GALNT8: variants seen among roughly 807,000 people sequenced by gnomAD.
The protein encoded by GALNT8 is probable polypeptide N-acetylgalactosaminyltransferase 8.
Under a neutral mutation model 62.7 loss-of-function variants are expected in GALNT8, and 66 were observed. The observed-to-expected ratio is 1.05, with a 90% CI of 0.86 to 1.29. The LOEUF (loss-of-function observed/expected upper bound fraction) is 1.29. GALNT8 is among the 50% of genes most tolerant of loss of function. GALNT8 has a pLI of 0.00. For synonymous variants in GALNT8, 288 were observed against 294.3 expected, an observed-to-expected ratio of 0.98 and a Z score of 0.22; for missense variants, 771 against 791.8, an observed-to-expected ratio of 0.97 and a Z score of 0.32.
At chr12:4,755,677 C>T (rs1946341388) in intron 6 of GALNT8, among the ~76,000 whole-genome samples, 1 of 152,160 alleles carries the variant, frequency 6.6e-6, no homozygotes, top group Non-Finnish European at 1.5e-5. Context: ...TCTTGCTCCA[C>T]CACTTCTCCC....
chr12:4,741,916 A>G (rs1946274106), intron 3 of GALNT8, among the ~76,000 whole-genome samples: 1 of 152,206 alleles, frequency 6.6e-6, no homozygotes, highest in Non-Finnish European at 1.5e-5. Flanking sequence ...CGAAAACACC[A>G]GCCAAATTGA....
At chr12:4,743,661 C>A (rs185917941) in intron 3 of GALNT8, among the ~76,000 whole-genome samples, 1 of 152,274 alleles carries the variant, frequency 6.6e-6, no homozygotes, top group East Asian at 1.9e-4. Flanking sequence ...GTGCCACTTA[C>A]TAGATATGTG....
intron 3 of GALNT8, among the ~76,000 whole-genome samples, chr12:4,742,696 G>C (rs778376411): frequency 1.3e-5 from 2 of 152,140 alleles, no homozygotes; most frequent in Non-Finnish European, 2.9e-5. Context: ...ATTTGAGACA[G>C]CAGAGAAAAT....
chr12:4,740,305 T>G (rs1281565618), intron 3 of GALNT8, among the ~76,000 whole-genome samples: 1 of 152,196 alleles, frequency 6.6e-6, no homozygotes, highest in Non-Finnish European at 1.5e-5. Context: ...TATTCTGATT[T>G]TCTTGTACAC....
In GALNT8 at chr12:4,726,206, T is replaced by G. The variant is rs908809772; in HGVS notation, c.212-326T>G. The stretch of plus-strand genomic sequence containing the variant: ...AACTGATTGATTCTGATGTAAGTGG[T>G]TCTCAGGCCTCATTCTGAAAAACAT... On this transcript the variant is annotated intron_variant, in intron 1 of 10. Transcript: ENST00000252318. This position sits in a 1 kb window ranked among gnomAD's most constrained non-coding sequence, Gnocchi z 4.1. Among the ~76,000 whole-genome samples the G allele has an allele frequency of 1.6e-4, 25 of 152,286 alleles. No homozygotes were observed. The highest frequency in any genetic ancestry group is 6.0e-4 in the African/African-American group (25 of 41,554).
chr12:4,755,886 A>G (rs1269252751), intron 6 of GALNT8, among the ~76,000 whole-genome samples: 1 of 152,188 alleles, frequency 6.6e-6, no homozygotes, highest in East Asian at 1.9e-4. Flanking sequence ...GCTGGCTTGG[A>G]TGGAGTGGCC....
intron 2 of GALNT8, among the ~76,000 whole-genome samples, chr12:4,730,054 C>G (rs1946214772): frequency 6.6e-6 from 1 of 151,930 alleles, no homozygotes; most frequent in African/African-American, 2.4e-5. Flanking sequence ...AGGTCATTTG[C>G]TGATTTTTAT....
At chr12:4,750,081 T>G (rs1946316059) in intron 6 of GALNT8, among the ~76,000 whole-genome samples, 1 of 152,196 alleles carries the variant, frequency 6.6e-6, no homozygotes, top group Non-Finnish European at 1.5e-5. Flanking sequence ...TTGTCAATTT[T>G]GTTTAACTTT....
chr12:4,720,843 G>C lies in GALNT8; in HGVS notation c.166G>C (p.Val56Leu), dbSNP rs1399043941. ...ACATCTGAATAAACGCTACGGGGCA[G>C]TGATAAAGAGACTCTCCCACTTGGA... ...PLHLNKRYGA[V>L]IKRLSHLEVE... The change falls in exon 1 of 11, where the codon GTG becomes CTG. Residue 56 changes from valine to leucine, a missense_variant. Val to Leu is a conservative substitution (Grantham distance 32). Coordinates refer to ENST00000252318, the MANE Select transcript of GALNT8 (RefSeq NM_017417.2). 1 of 1,610,106 alleles carries C rather than the reference G, an allele frequency of 6.2e-7. No homozygotes were observed. The highest frequency in any genetic ancestry group is 8.5e-7 in the Non-Finnish European group (1 of 1,176,456).
intron 2 of GALNT8, among the ~76,000 whole-genome samples, chr12:4,731,374 T>G (rs1946221440): frequency 6.6e-6 from 1 of 152,234 alleles, no homozygotes; most frequent in South Asian, 2.1e-4. Flanking sequence ...TTTATTAGTT[T>G]TAACCATTTG....
At chr12:4,759,464 G>A (rs565791005) in intron 6 of GALNT8, among the ~76,000 whole-genome samples, 10 of 123,888 alleles carry the variant, frequency 8.1e-5, no homozygotes, top group African/African-American at 2.8e-4. Flanking sequence ...GGCAGCTAGA[G>A]GCAAAACACT....
At chr12:4,725,882 C>T (rs771354673) in intron 1 of GALNT8, among the ~76,000 whole-genome samples, 2 of 152,062 alleles carry the variant, frequency 1.3e-5, no homozygotes, top group Non-Finnish European at 2.9e-5. Flanking sequence ...TACGATCACG[C>T]AAGTTGGAAA....
At chr12:4,723,505 C>A (rs373874692) in intron 1 of GALNT8, among the ~76,000 whole-genome samples, 1 of 152,172 alleles carries the variant, frequency 6.6e-6, no homozygotes, top group African/African-American at 2.4e-5. Flanking sequence ...CTCCTCAAGC[C>A]GTAAAATGGC....
Position 4,772,514 on chromosome 12 carries a change from G to T in GALNT8, c.1831G>T (p.Val611Leu). The stretch of plus-strand genomic sequence containing the variant: ...GAAGAAGGATCTTTTGGGTAGCCAC[G>T]TGCTTGTGCTCCAGACCTGTAGCAC... ...EMKKDLLGSH[V>L]LVLQTCSTQV... The change falls in exon 11 of 11, where the codon GTG becomes TTG. Residue 611 changes from valine (V) to leucine (L), a missense_variant. Physicochemically the swap from Val to Leu is conservative, Grantham distance 32. Coordinates refer to ENST00000252318, the MANE Select transcript of GALNT8 (RefSeq NM_017417.2). The T allele has an allele frequency of 6.2e-7, 1 of 1,613,784 alleles. No individual in the cohort carries two copies.
chr12:4,723,750 CT>C (rs539656719), intron 1 of GALNT8, among the ~76,000 whole-genome samples: 1,863 of 124,890 alleles, frequency 0.015, 23 homozygotes, highest in African/African-American at 0.035. Flanking sequence ...ATCACCAATG[CT>C]TTTTTTTTTT....
intron 3 of GALNT8, among the ~76,000 whole-genome samples, chr12:4,740,713 A>G (rs1000086677): frequency 3.3e-5 from 5 of 152,150 alleles, no homozygotes; most frequent in Non-Finnish European, 7.4e-5. Flanking sequence ...TGTGAGCCAC[A>G]GTGCCCAGCC....
chr12:4,725,605 G>A (rs1433099329), intron 1 of GALNT8, among the ~76,000 whole-genome samples: 2 of 146,756 alleles, frequency 1.4e-5, no homozygotes, highest in African/African-American at 5.1e-5. Context: ...GCCCAGGCTG[G>A]AGTGCAGTGG....
Position 4,726,802 on chromosome 12 carries a change from G to T in GALNT8, c.482G>T (p.Arg161Leu). 1 of 1,613,630 alleles carries T rather than the reference G, an allele frequency of 6.2e-7. No individual in the cohort carries two copies. Among genetic ancestry groups the T allele is most frequent in the South Asian group, 1.1e-5 (1 of 91,028 alleles). Reference sequence around the variant, plus strand: ...CTCAGCAACCAGCTGCCTCTCAATCGCACCATCCCCGACACGCGAGACTAC... The same window carrying T: ...CTCAGCAACCAGCTGCCTCTCAATCTCACCATCCCCGACACGCGAGACTAC... ...AYLSNQLPLN[R>L]TIPDTRDYRC... Residue 161 changes from arginine (R) to leucine (L), a missense_variant, in exon 2 of 11, where the codon CGC becomes CTC. Transcript: ENST00000252318. This position sits in a 1 kb window ranked among gnomAD's most constrained non-coding sequence, Gnocchi z 4.1.
At chr12:4,769,801 A>G (rs757507729) in intron 10 of GALNT8, among the ~76,000 whole-genome samples, 8 of 152,080 alleles carry the variant, frequency 5.3e-5, no homozygotes, top group Non-Finnish European at 7.4e-5. Context: ...GACCTCATGG[A>G]TGATCTCAGA....
Sources: allele counts gnomAD v4.1 joint callset (sites outside exome capture counted in the v4.1 genomes callset), GRCh38; gene constraint gnomAD v4.1.1; non-coding constraint Gnocchi (gnomAD v3.1); transcripts MANE v1.5; gene names NCBI Gene and HGNC (gene_info 2026-07-23, HGNC 2026-07-21).